The following PDSS2 variants were observed in gnomAD, a reference collection of about 807,000 sequenced individuals.
PDSS2 encodes decaprenyl diphosphate synthase subunit 2, also known as all trans-polyprenyl-diphosphate synthase PDSS2.
A neutral mutation model predicts 44.5 loss-of-function variants in PDSS2; 31 were observed. That is an observed-to-expected ratio of 0.70 (90% CI 0.52 to 0.94). The LOEUF is 0.94. Ranked by LOEUF, PDSS2 falls within the 40% of genes least tolerant of loss-of-function variation. The pLI, the probability that PDSS2 is intolerant of heterozygous loss-of-function variation, is 0.00. For missense variants in PDSS2, 452 were observed against 482.2 expected, an observed-to-expected ratio of 0.94 and a Z score of 0.59; for synonymous variants, 157 against 180.3, an observed-to-expected ratio of 0.87 and a Z score of 1.03.
chr6:107,446,427 C>T (rs1296422190), intron 1 of PDSS2, among the ~76,000 whole-genome samples: 1 of 152,188 alleles, frequency 6.6e-6, no homozygotes, highest in East Asian at 1.9e-4. Flanking sequence ...CTATAGAACA[C>T]TAAAACCAAA....
intron 4 of PDSS2, among the ~76,000 whole-genome samples, chr6:107,228,174 A>G (rs1773898759): frequency 6.6e-6 from 1 of 152,166 alleles, no homozygotes; most frequent in African/African-American, 2.4e-5. Context: ...ACATTTAACA[A>G]ATAAAAACAT....
chr6:107,246,055 G>C (rs184210380), intron 3 of PDSS2, among the ~76,000 whole-genome samples: 93 of 152,172 alleles, frequency 6.1e-4, no homozygotes, highest in Admixed American at 3.1e-3. Context: ...CAAAAGAATG[G>C]ATAATCTTTC....
At chr6:107,432,876 C>G (rs1781235681) in intron 1 of PDSS2, among the ~76,000 whole-genome samples, 1 of 152,172 alleles carries the variant, frequency 6.6e-6, no homozygotes, top group Non-Finnish European at 1.5e-5. Flanking sequence ...ACTTATTCTT[C>G]CCATCTAGTT....
At chr6:107,265,997 ATATT>A (rs146087067) in intron 3 of PDSS2, among the ~76,000 whole-genome samples, 7,864 of 152,276 alleles carry the variant, frequency 0.052, 291 homozygotes, top group Non-Finnish European at 0.078. Flanking sequence ...CTTCAAAGAA[ATATT>A]TATCGCCACC....
intron 2 of PDSS2, among the ~76,000 whole-genome samples, chr6:107,288,566 G>A (rs1776232197): frequency 6.6e-6 from 1 of 152,048 alleles, no homozygotes; most frequent in Non-Finnish European, 1.5e-5. Context: ...TAGATTTGGA[G>A]GGAAGTAGGG....
intron 1 of PDSS2, among the ~76,000 whole-genome samples, chr6:107,338,853 G>A (rs1777990058): frequency 6.6e-6 from 1 of 152,072 alleles, no homozygotes; most frequent in Non-Finnish European, 1.5e-5. Flanking sequence ...TCTTTTAAAA[G>A]GGTTCCCTAT....
At chr6:107,251,450 C>G (rs543339049) in intron 3 of PDSS2, among the ~76,000 whole-genome samples, 1 of 152,312 alleles carries the variant, frequency 6.6e-6, no homozygotes, top group African/African-American at 2.4e-5. Context: ...CACCCCTCAG[C>G]CTTTACTGCT....
At chr6:107,412,523 A>G (rs1393887098) in intron 1 of PDSS2, among the ~76,000 whole-genome samples, 1 of 152,178 alleles carries the variant, frequency 6.6e-6, no homozygotes, top group African/African-American at 2.4e-5. Flanking sequence ...TACAGGTGTG[A>G]AACACTGTGC....
intron 2 of PDSS2, among the ~76,000 whole-genome samples, chr6:107,313,387 C>G (rs1248874730): frequency 1.3e-5 from 2 of 152,134 alleles, no homozygotes; most frequent in East Asian, 3.8e-4. Context: ...GAGTCTTGCT[C>G]TGTTGTCCAG....
At chr6:107,241,642 G>T (rs534449432) in intron 4 of PDSS2, among the ~76,000 whole-genome samples, 1 of 152,148 alleles carries the variant, frequency 6.6e-6, no homozygotes, top group Non-Finnish European at 1.5e-5. Flanking sequence ...CACCGCACCC[G>T]GCTGCTCTAC....
At chr6:107,226,917 T>C (rs1773846066) in intron 4 of PDSS2, among the ~76,000 whole-genome samples, 1 of 151,902 alleles carries the variant, frequency 6.6e-6, no homozygotes, top group African/African-American at 2.4e-5. Flanking sequence ...ATGATCCGCC[T>C]GCCTCAGTCT....
intron 7 of PDSS2, among the ~76,000 whole-genome samples, chr6:107,187,496 C>A (rs529248252): frequency 1.4e-3 from 211 of 152,186 alleles, no homozygotes; most frequent in Non-Finnish European, 2.4e-3. Context: ...GAAACCCCAT[C>A]TCTACTAAAA....
At chr6:107,444,921 T>C (rs999560368) in intron 1 of PDSS2, among the ~76,000 whole-genome samples, 2 of 152,190 alleles carry the variant, frequency 1.3e-5, no homozygotes, top group African/African-American at 4.8e-5. Context: ...AAGAGCATAG[T>C]TTTTTGAAGG....
chr6:107,322,911 T>C (rs1201586137), intron 2 of PDSS2, among the ~76,000 whole-genome samples: 1 of 152,128 alleles, frequency 6.6e-6, no homozygotes, highest in Non-Finnish European at 1.5e-5. Context: ...CCAGTAACTA[T>C]AGAGAGGGAG....
intron 4 of PDSS2, among the ~76,000 whole-genome samples, chr6:107,212,969 C>A (rs1773278086): frequency 2.0e-5 from 3 of 152,028 alleles, no homozygotes; most frequent in Admixed American, 6.5e-5. Flanking sequence ...TGCACCACTG[C>A]ACTACAGCCA....
intron 1 of PDSS2, among the ~76,000 whole-genome samples, chr6:107,344,505 G>A (rs995455423): frequency 1.3e-5 from 2 of 151,676 alleles, no homozygotes; most frequent in Admixed American, 6.6e-5. Flanking sequence ...GATATGGCTC[G>A]AGGGCCACAC....
At chr6:107,357,988 A>G (rs554958212) in intron 1 of PDSS2, among the ~76,000 whole-genome samples, 26 of 152,312 alleles carry the variant, frequency 1.7e-4, no homozygotes, top group African/African-American at 5.5e-4. Context: ...TAAAATCAGT[A>G]TAATACTGGT....
intron 4 of PDSS2, among the ~76,000 whole-genome samples, chr6:107,214,344 G>C (rs1773337964): frequency 6.6e-6 from 1 of 152,052 alleles, no homozygotes; most frequent in South Asian, 2.1e-4. Context: ...GCCCGCCTCG[G>C]CCTCCCAAAG....
At chr6:107,276,981 G>A (rs1775806225) in intron 2 of PDSS2, among the ~76,000 whole-genome samples, 1 of 152,164 alleles carries the variant, frequency 6.6e-6, no homozygotes, top group South Asian at 2.1e-4. Flanking sequence ...GAACAGTCCA[G>A]CCAAACAACA....
Sources: allele counts gnomAD v4.1 joint callset (sites outside exome capture counted in the v4.1 genomes callset), GRCh38; gene constraint gnomAD v4.1.1; transcripts MANE v1.5; gene names NCBI Gene and HGNC (gene_info 2026-07-23, HGNC 2026-07-21).